Variants in PRDM1 observed in about 807,000 individuals in gnomAD.
PRDM1 encodes the protein PR domain zinc finger protein 1.
PRDM1 carries 13 observed loss-of-function variants against 62.8 expected under a neutral mutation model. The observed-to-expected ratio is 0.21, with a 90% CI of 0.13 to 0.33. The LOEUF is 0.33. Ranked by LOEUF, PRDM1 falls within the 10% of genes least tolerant of loss-of-function variation. The probability of loss-of-function intolerance (pLI) is 1.00; values close to 1 mark genes in which losing one functional copy is unlikely to be tolerated. For synonymous variants in PRDM1, 396 were observed against 417.6 expected, an observed-to-expected ratio of 0.95 and a Z score of 0.63; for missense variants, 895 against 1,058.8, an observed-to-expected ratio of 0.85 and a Z score of 2.15.
At chr6:106,084,497 T>A (rs1403600370), upstream of PRDM1, among the ~76,000 whole-genome samples, 1 of 152,222 alleles carries the variant, frequency 6.6e-6, no homozygotes, top group African/African-American at 2.4e-5. Context: ...TTTTTGCCTA[T>A]TCCCTTACTC....
At chr6:106,055,339 G>T (rs1773247257) in intron 1 of PRDM1, among the ~76,000 whole-genome samples, 1 of 152,164 alleles carries the variant, frequency 6.6e-6, no homozygotes, top group African/African-American at 2.4e-5. Flanking sequence ...ACTTTGGGAA[G>T]ATACATACAT....
intron 1 of PRDM1, among the ~76,000 whole-genome samples, chr6:105,993,840 A>C (rs1443147170): frequency 6.6e-6 from 1 of 152,180 alleles, no homozygotes; most frequent in Admixed American, 6.5e-5. Flanking sequence ...CTCTGGCATT[A>C]ATTCTTCAGT....
upstream of PRDM1, among the ~76,000 whole-genome samples, chr6:106,044,341 A>G (rs1046303129): frequency 5.9e-5 from 9 of 152,178 alleles, no homozygotes; most frequent in African/African-American, 2.2e-4. Context: ...TAAATGGAAT[A>G]CTAGGTAAAT....
upstream of PRDM1, among the ~76,000 whole-genome samples, chr6:106,085,201 T>C (rs1467263633): frequency 6.6e-6 from 1 of 152,166 alleles, no homozygotes; most frequent in African/African-American, 2.4e-5. Context: ...TGTGGGTGTG[T>C]GTGTGGGTGG....
chr6:106,072,670 T>C (rs1045481442), intron 1 of PRDM1, among the ~76,000 whole-genome samples: 1 of 152,242 alleles, frequency 6.6e-6, no homozygotes, highest in African/African-American at 2.4e-5. Flanking sequence ...TCTCCTGCTG[T>C]CTGCGGTGCC....
At chr6:106,090,333 A>G (rs898289575) in intron 2 of PRDM1, among the ~76,000 whole-genome samples, 1 of 152,250 alleles carries the variant, frequency 6.6e-6, no homozygotes, top group Non-Finnish European at 1.5e-5. Flanking sequence ...TTCCTGAAGA[A>G]GGTCCTTCGA....
At chr6:106,048,409 A>G (rs1283596046), upstream of PRDM1, among the ~76,000 whole-genome samples, 1 of 152,090 alleles carries the variant, frequency 6.6e-6, no homozygotes, top group Non-Finnish European at 1.5e-5. Context: ...ACATCTCTAG[A>G]AAAAGCAATA....
chr6:106,006,370 C>T (rs1188840964), intron 1 of PRDM1, among the ~76,000 whole-genome samples: 1 of 152,152 alleles, frequency 6.6e-6, no homozygotes, highest in African/African-American at 2.4e-5. Flanking sequence ...AAAGAAGCAG[C>T]TCTGTTTCCT....
At position 106,002,523 on chromosome 6, in the gene PRDM1, A is replaced by C. The variant is rs1772438688; in HGVS notation, c.-67+8884A>C. On this transcript the variant is annotated intron_variant, in intron 1 of 6. Transcript: ENST00000652320. Reference sequence around the variant, plus strand: ...TCGTCCTTAAGGCATCTAATATTAGAAATGAATTTTAATGTTAAAATGTAC... The same window carrying C: ...TCGTCCTTAAGGCATCTAATATTAGCAATGAATTTTAATGTTAAAATGTAC... Among the ~76,000 whole-genome samples, 5 of 152,188 alleles carry C rather than the reference A, an allele frequency of 3.3e-5. 1 individual carries two copies. In the South Asian group the frequency reaches 1.0e-3, roughly 31 times the overall value.
At chr6:106,096,438 G>C (rs746253763) in intron 3 of PRDM1, among the ~76,000 whole-genome samples, 3 of 152,134 alleles carry the variant, frequency 2.0e-5, no homozygotes, top group Non-Finnish European at 2.9e-5. Context: ...GAGCCACCGC[G>C]CCCAGCCAGG....
At chr6:106,060,598 G>A (rs1773331009) in intron 1 of PRDM1, among the ~76,000 whole-genome samples, 1 of 152,166 alleles carries the variant, frequency 6.6e-6, no homozygotes. Flanking sequence ...GGTGATAAGG[G>A]AAGTGAGAAC....
At chr6:106,028,519 G>A (rs1278741234) in intron 1 of PRDM1, among the ~76,000 whole-genome samples, 2 of 152,066 alleles carry the variant, frequency 1.3e-5, no homozygotes, top group Middle Eastern at 6.3e-3. Context: ...CTAAAACATG[G>A]TATAGAAATA....
intron 1 of PRDM1, among the ~76,000 whole-genome samples, chr6:106,036,114 C>T (rs1772922647): frequency 6.6e-6 from 1 of 151,938 alleles, no homozygotes; most frequent in Non-Finnish European, 1.5e-5. Context: ...TTTTTTGACC[C>T]TCATTTCCTG....
upstream of PRDM1, among the ~76,000 whole-genome samples, chr6:106,047,141 T>A (rs1773094388): frequency 6.6e-6 from 1 of 152,210 alleles, no homozygotes; most frequent in African/African-American, 2.4e-5. Context: ...ATTGTACCCA[T>A]TTTGATTTTT....
chr6:106,066,909 C>T lies in PRDM1; in HGVS notation c.-67+18195C>T, dbSNP rs112475275. On this transcript the variant is annotated intron_variant, in intron 1 of 6. Transcript: ENST00000651185. The stretch of plus-strand genomic sequence containing the variant: ...TTATGGTAAAGTATTTGAACCATAC[C>T]TGTGGACATAGTGTGCCAGGCCCTT... Among the ~76,000 whole-genome samples the T allele has an allele frequency of 2.4e-4, 37 of 152,192 alleles. 1 individual carries two copies. Among genetic ancestry groups the T allele is most frequent in the African/African-American group, 8.7e-4 (36 of 41,530 alleles).
chr6:106,097,587 A>G (rs913348529), intron 3 of PRDM1, among the ~76,000 whole-genome samples: 1 of 152,266 alleles, frequency 6.6e-6, no homozygotes, highest in African/African-American at 2.4e-5. Flanking sequence ...GAATCAGCGC[A>G]TTTTAATCTT....
At chr6:106,030,883 T>C (rs1011320097) in intron 1 of PRDM1, among the ~76,000 whole-genome samples, 1 of 152,200 alleles carries the variant, frequency 6.6e-6, no homozygotes, top group African/African-American at 2.4e-5. Flanking sequence ...GATCTGTATA[T>C]CTGAAGTGAT....
chr6:106,043,643 C>T (rs921429651), upstream of PRDM1, among the ~76,000 whole-genome samples: 26 of 152,332 alleles, frequency 1.7e-4, no homozygotes, highest in African/African-American at 6.3e-4. Flanking sequence ...TCAAGCGATT[C>T]TCCTGCCTCA....
intron 1 of PRDM1, among the ~76,000 whole-genome samples, chr6:106,036,681 C>T (rs547266277): frequency 2.4e-4 from 37 of 152,040 alleles, no homozygotes; most frequent in African/African-American, 3.9e-4. Flanking sequence ...ACTTTACAGC[C>T]GGGCGTGGTG....
Sources: gnomAD v4.1 joint callset for allele counts (sites outside exome capture counted in the v4.1 genomes callset) on GRCh38, gnomAD v4.1.1 for gene constraint, MANE v1.5 for transcripts, NCBI Gene and HGNC (gene_info 2026-07-23, HGNC 2026-07-21) for gene names.